Variants in LAMA3 observed in about 807,000 individuals in gnomAD.
The protein encoded by LAMA3 is laminin subunit alpha-3.
In LAMA3, 281 loss-of-function variants were observed where a neutral mutation model predicts 402.0. That is an observed-to-expected ratio of 0.70 (90% confidence interval 0.63 to 0.77). LAMA3 has a LOEUF of 0.77. Ranked by LOEUF, LAMA3 falls within the 30% of genes least tolerant of loss-of-function variation. The pLI, the probability that LAMA3 is intolerant of heterozygous loss-of-function variation, is 0.00. For missense variants in LAMA3, 3,840 were observed against 4,215.5 expected (o/e 0.91, Z 2.47); for synonymous variants, 1,431 against 1,558.4 (o/e 0.92, Z 1.93).
At chr18:23,921,177 G>A in intron 61 of LAMA3, 123 bp downstream of exon 61, 2 of 1,133,920 alleles carry the variant, frequency 1.8e-6, no homozygotes, top group Non-Finnish European at 2.6e-6. Flanking sequence ...GATGTTAACT[G>A]AGGGATATAT....
At chr18:23,810,247 A>C in intron 12 of LAMA3, 119 bp from the exon 13 acceptor site, 1 of 1,171,902 alleles carries the variant, frequency 8.5e-7, no homozygotes, top group Non-Finnish European at 1.3e-6. Context: ...TAAGAAGTGG[A>C]GCTGGAATTT....
intron 14 of LAMA3, 130 bp downstream of exon 14, chr18:23,813,233 G>T: frequency 3.0e-6 from 2 of 656,748 alleles, no homozygotes; most frequent in East Asian, 2.7e-5. Flanking sequence ...AGAGGTCATT[G>T]TTGTTTTTCA....
At chr18:23,931,280 T>C in intron 65 of LAMA3, 79 bp downstream of exon 65, 1 of 1,286,434 alleles carries the variant, frequency 7.8e-7, no homozygotes. Flanking sequence ...TGGTGTCTTT[T>C]TGCAAAATAT....
intron 8 of LAMA3, among the ~76,000 whole-genome samples, chr18:23,773,029 T>C (rs2143863639): frequency 6.6e-6 from 1 of 152,320 alleles, no homozygotes; most frequent in Non-Finnish European, 1.5e-5. Flanking sequence ...AAAGCACAGA[T>C]AAAATTAGAA....
chr18:23,779,042 A>G lies in LAMA3; in HGVS notation c.1468+1423A>G, dbSNP rs559477433. Among the ~76,000 whole-genome samples, 10 of 152,324 alleles carry G rather than the reference A, an allele frequency of 6.6e-5. No homozygotes were observed. The East Asian group carries it at 1.2e-3, about 18-fold the overall frequency. Reference sequence around the variant, plus strand: ...AGTGCAAAGTCCCTGGGGCAGGGGCAGCCCTGGGCCAAGGGTGTTCAGTGA... The same window carrying G: ...AGTGCAAAGTCCCTGGGGCAGGGGCGGCCCTGGGCCAAGGGTGTTCAGTGA... On this transcript the variant is annotated intron_variant, in intron 11 of 74. Transcript: ENST00000313654.
chr18:23,829,146 T>A (rs2063445704), intron 23 of LAMA3, among the ~76,000 whole-genome samples: 2 of 152,358 alleles, frequency 1.3e-5, no homozygotes, highest in Admixed American at 6.5e-5. Context: ...GTTCAGACTT[T>A]GCCAGCAAAT....
rs762339149 is a variant in LAMA3, at chr18:23,845,013, G to C, written c.3608G>C (p.Arg1203Pro). ...ATGCTGGTGGATTTCTTTCAGGTCCGTGTTCTAGTGGTGCCTGCAGAAAAC... is the reference window on the plus strand; with the variant it reads ...ATGCTGGTGGATTTCTTTCAGGTCCCTGTTCTAGTGGTGCCTGCAGAAAAC... ...VPEGKSLVLV[R>P]VLVVPAENYD... Residue 1203 changes from arginine (R) to proline (P), a missense_variant, in exon 30 of 75, where the codon CGT (arginine) becomes CCT (proline). Physicochemically the swap from Arg to Pro is moderately radical, Grantham distance 103. Around this residue, in one of 3 missense-constraint regions of LAMA3, gnomAD observed 2,109 missense variants for 2,376.0 expected, o/e 0.89. Coordinates refer to ENST00000313654, the MANE Select transcript of LAMA3 (RefSeq NM_198129.4). The C allele has an allele frequency of 1.3e-6, 2 of 1,563,714 alleles. No individual in the cohort carries two copies. Among genetic ancestry groups the C allele is most frequent in the South Asian group, 2.2e-5 (2 of 89,906 alleles).
At chr18:23,768,072 G>A (rs57414234) in intron 8 of LAMA3, among the ~76,000 whole-genome samples, 3,170 of 151,900 alleles carry the variant, frequency 0.021, 103 homozygotes, top group African/African-American at 0.072. Context: ...ATTGGCCTTC[G>A]GAAATAATTT....
chr18:23,855,273 C>T (rs1310568633), intron 32 of LAMA3, among the ~76,000 whole-genome samples: 1 of 152,236 alleles, frequency 6.6e-6, no homozygotes, highest in Non-Finnish European at 1.5e-5. Flanking sequence ...AACACTGTCC[C>T]TCTGTGCGTG....
chr18:23,921,319 T>C (rs2081829437), intron 61 of LAMA3, 133 bp from the exon 62 acceptor site: 1 of 1,004,118 alleles, frequency 1.0e-6, no homozygotes, highest in African/African-American at 1.6e-5. Flanking sequence ...AAAATGCTAC[T>C]GCTCAGAGCC....
chr18:23,742,679 T>C (rs1396087816), intron 2 of LAMA3, among the ~76,000 whole-genome samples: 2 of 150,580 alleles, frequency 1.3e-5, no homozygotes, highest in Non-Finnish European at 3.0e-5. Context: ...TGTGTGTGTG[T>C]AGAGAACAAA....
chr18:23,911,880 A>G (rs2081436551), intron 55 of LAMA3, among the ~76,000 whole-genome samples: 1 of 146,510 alleles, frequency 6.8e-6, no homozygotes, highest in African/African-American at 2.5e-5. Context: ...ATAAAATTAT[A>G]TATTACATAC....
chr18:23,860,266 T>C (rs1364452610), intron 34 of LAMA3, among the ~76,000 whole-genome samples: 3 of 145,252 alleles, frequency 2.1e-5, no homozygotes, highest in Admixed American at 6.8e-5. Context: ...CTTTTCTTTT[T>C]TTTTTTTTTT....
chr18:23,889,650 G>C (rs2080574953), intron 41 of LAMA3, among the ~76,000 whole-genome samples: 1 of 131,792 alleles, frequency 7.6e-6, no homozygotes, highest in Admixed American at 8.3e-5. Flanking sequence ...GAAGAGGAAG[G>C]GAAGGGAGGA....
Position 23,839,925 on chromosome 18 carries a change from C to T in LAMA3, c.3332C>T (p.Pro1111Leu), listed in dbSNP as rs201594777. 37 of 1,613,956 alleles carry T rather than the reference C, an allele frequency of 2.3e-5. No individual in the cohort carries two copies. Among genetic ancestry groups the T allele is most frequent in the East Asian group, 4.5e-5 (2 of 44,892 alleles). ...DVLPGVTLKA[P>L]QNQVTLRGRV... ...CTTCCTGGGGTCACCTTGAAGGCACCGCAGGTAGTGTGCTGTTTCTAAACC... is the reference window on the plus strand; with the variant it reads ...CTTCCTGGGGTCACCTTGAAGGCACTGCAGGTAGTGTGCTGTTTCTAAACC... Residue 1111 changes from proline (P) to leucine (L), a missense_variant, in exon 27 of 75, where the codon CCG (proline) becomes CTG (leucine). By Grantham distance (98) the Pro-to-Leu change is moderately conservative. This residue lies in a region of LAMA3 where 2,109 missense variants were observed against 2,376.0 expected (regional missense o/e 0.89). Coordinates refer to ENST00000313654, the MANE Select transcript of LAMA3 (RefSeq NM_198129.4). The surrounding 1 kb of genome is among the most constrained non-coding windows in gnomAD (Gnocchi z 4.5).
intron 2 of LAMA3, among the ~76,000 whole-genome samples, chr18:23,717,582 TC>T (rs1408186414): frequency 1.7e-5 from 2 of 120,830 alleles, no homozygotes; most frequent in African/African-American, 6.1e-5. Context: ...AGACAGAGTC[TC>T]ACTCTGTCAC....
chr18:23,895,169 C>A, intron 44 of LAMA3, 111 bp downstream of exon 44: 1 of 1,225,506 alleles, frequency 8.2e-7, no homozygotes, highest in Non-Finnish European at 1.2e-6. Context: ...AGGGGTTGTC[C>A]TCCTTCCTCT....
chr18:23,819,783 T>A, intron 18 of LAMA3, 58 bp from the exon 19 acceptor site: 1 of 1,430,110 alleles, frequency 7.0e-7, no homozygotes, highest in Non-Finnish European at 9.9e-7. Flanking sequence ...GATTAAAAGA[T>A]GTTCAGATGA....
At chr18:23,871,775 A>C (rs57399783) in intron 38 of LAMA3, 114 bp downstream of exon 38, 1 of 813,956 alleles carries the variant, frequency 1.2e-6, no homozygotes, top group Non-Finnish European at 2.1e-6. Flanking sequence ...TTCTCTGTTC[A>C]AGTTTCTGCA....
Sources: gnomAD v4.1 joint callset for allele counts (sites outside exome capture counted in the v4.1 genomes callset) on GRCh38, gnomAD v4.1.1 for gene constraint, gnomAD v4.1.1 regional missense constraint, Gnocchi (gnomAD v3.1) non-coding constraint, MANE v1.5 for transcripts, NCBI Gene and HGNC (gene_info 2026-07-23, HGNC 2026-07-21) for gene names.